Variants in AGBL4 observed in about 807,000 individuals in gnomAD.
AGBL4 encodes cytosolic carboxypeptidase 6.
AGBL4 carries 58 observed loss-of-function variants against 66.4 expected under a neutral mutation model. The observed-to-expected ratio is 0.87, with a 90% CI of 0.71 to 1.09. The LOEUF (loss-of-function observed/expected upper bound fraction) is 1.09. Among genes scored for constraint, AGBL4 ranks in the 50% least tolerant of loss-of-function variants. AGBL4 has a pLI of 0.00. For synonymous variants in AGBL4, 234 were observed against 222.9 expected, an observed-to-expected ratio of 1.05 and a Z score of -0.44; for missense variants, 579 against 631.0, an observed-to-expected ratio of 0.92 and a Z score of 0.88.
intron 3 of AGBL4, among the ~76,000 whole-genome samples, chr1:49,431,871 C>T (rs1433545413): frequency 1.3e-5 from 2 of 152,028 alleles, no homozygotes; most frequent in South Asian, 2.1e-4. Flanking sequence ...CTCACTAATA[C>T]AGGCCTCCAT....
intron 3 of AGBL4, among the ~76,000 whole-genome samples, chr1:49,312,644 C>A (rs946694795): frequency 1.1e-4 from 17 of 151,644 alleles, no homozygotes; most frequent in African/African-American, 3.9e-4. Context: ...GAAAAACAAC[C>A]CAATTAAACA....
chr1:48,896,626 T>A (rs1321607626), intron 5 of AGBL4, among the ~76,000 whole-genome samples: 1 of 152,138 alleles, frequency 6.6e-6, no homozygotes, highest in Non-Finnish European at 1.5e-5. Context: ...ATTTCACTCT[T>A]GGGCTTTTGG....
intron 3 of AGBL4, among the ~76,000 whole-genome samples, chr1:49,560,833 T>G (rs758235583): frequency 4.6e-5 from 7 of 152,072 alleles, no homozygotes; most frequent in Non-Finnish European, 8.8e-5. Flanking sequence ...GGAAAAAATC[T>G]TTTACCCCTG....
chr1:48,728,297 T>C (rs1472418769), intron 6 of AGBL4, among the ~76,000 whole-genome samples: 1 of 152,104 alleles, frequency 6.6e-6, no homozygotes, highest in East Asian at 1.9e-4. Context: ...ATACTATTGG[T>C]TCCTCCCAAG....
intron 3 of AGBL4, among the ~76,000 whole-genome samples, chr1:49,415,737 A>C (rs1645413204): frequency 6.6e-6 from 1 of 152,098 alleles, no homozygotes; most frequent in Admixed American, 6.6e-5. Flanking sequence ...GTGAAAAACA[A>C]ATTAGTGGGA....
At chr1:49,917,564 G>A (rs1176676872) in intron 1 of AGBL4, among the ~76,000 whole-genome samples, 1 of 152,018 alleles carries the variant, frequency 6.6e-6, no homozygotes, top group Admixed American at 6.6e-5. Flanking sequence ...CCCATTACAG[G>A]AGCACCAAGA....
intron 3 of AGBL4, among the ~76,000 whole-genome samples, chr1:49,672,800 T>C (rs1194329021): frequency 6.6e-6 from 1 of 150,762 alleles, no homozygotes; most frequent in Non-Finnish European, 1.5e-5. Flanking sequence ...CGGGCACCTG[T>C]AATCCCAGCT....
At chr1:49,806,312 T>C (rs1644976243) in intron 2 of AGBL4, among the ~76,000 whole-genome samples, 1 of 152,220 alleles carries the variant, frequency 6.6e-6, no homozygotes. Context: ...ATCTTAGTTA[T>C]AAAATGGCAA....
At chr1:48,898,164 T>C (rs556090999) in intron 5 of AGBL4, among the ~76,000 whole-genome samples, 1 of 152,290 alleles carries the variant, frequency 6.6e-6, no homozygotes, top group South Asian at 2.1e-4. Flanking sequence ...TGTTTTGTTT[T>C]TGGCTTAAAT....
chr1:49,576,672 T>G (rs1644442506), intron 3 of AGBL4, among the ~76,000 whole-genome samples: 1 of 152,136 alleles, frequency 6.6e-6, no homozygotes, highest in African/African-American at 2.4e-5. Context: ...GTGGTATATA[T>G]GTGATTGGGC....
At chr1:49,686,291 G>A (rs955392927) in intron 3 of AGBL4, among the ~76,000 whole-genome samples, 1 of 152,086 alleles carries the variant, frequency 6.6e-6, no homozygotes, top group Non-Finnish European at 1.5e-5. Flanking sequence ...ACCCTCCATG[G>A]GAATGTTGTT....
chr1:48,761,126 G>A (rs1046340252), intron 6 of AGBL4: 7 of 538,466 alleles, frequency 1.3e-5, no homozygotes, highest in Non-Finnish European at 2.3e-5. Context: ...ACCAAGCTTG[G>A]TGGCACAGCA....
intron 3 of AGBL4, among the ~76,000 whole-genome samples, chr1:49,298,628 T>TCCTCCCTC (rs377307170): frequency 1.3e-5 from 2 of 150,848 alleles, no homozygotes; most frequent in South Asian, 2.1e-4. Flanking sequence ...GGCCTCTCCT[T>TCCTCCCTC]CCTCCCTCCC....
chr1:49,754,456 C>T (rs1651732274), intron 2 of AGBL4, among the ~76,000 whole-genome samples: 1 of 152,074 alleles, frequency 6.6e-6, no homozygotes, highest in African/African-American at 2.4e-5. Flanking sequence ...CTTTCTTCTG[C>T]AAGTCTGCTG....
intron 2 of AGBL4, among the ~76,000 whole-genome samples, chr1:49,824,521 A>G (rs1336299289): frequency 1.3e-5 from 2 of 152,248 alleles, no homozygotes; most frequent in Non-Finnish European, 2.9e-5. Flanking sequence ...TAGAAGCAAT[A>G]GAAGCTATTC....
chr1:48,958,314 T>G (rs1657664106), intron 5 of AGBL4, among the ~76,000 whole-genome samples: 1 of 152,206 alleles, frequency 6.6e-6, no homozygotes, highest in Non-Finnish European at 1.5e-5. Flanking sequence ...CAATTCCACT[T>G]CAGAGAGGCT....
intron 3 of AGBL4, among the ~76,000 whole-genome samples, chr1:49,537,539 A>C (rs1277964765): frequency 6.6e-6 from 1 of 152,238 alleles, no homozygotes; most frequent in Non-Finnish European, 1.5e-5. Context: ...GCCAATAAGC[A>C]TAAGAAAAAA....
chr1:49,905,648 G>C (rs1015938047), intron 1 of AGBL4, among the ~76,000 whole-genome samples: 1 of 152,120 alleles, frequency 6.6e-6, no homozygotes, highest in Non-Finnish European at 1.5e-5. Context: ...CTGTGATTAA[G>C]AGAATCAAAA....
intron 3 of AGBL4, among the ~76,000 whole-genome samples, chr1:49,288,582 A>G (rs1056962403): frequency 3.3e-5 from 5 of 152,182 alleles, no homozygotes; most frequent in African/African-American, 1.2e-4. Context: ...AGCTGCTCAT[A>G]TACATGGTGA....
Sources: gnomAD v4.1 joint callset for allele counts (sites outside exome capture counted in the v4.1 genomes callset) on GRCh38, gnomAD v4.1.1 for gene constraint, MANE v1.5 for transcripts, NCBI Gene and HGNC (gene_info 2026-07-23, HGNC 2026-07-21) for gene names.